Variants in CNTNAP4 observed in about 807,000 individuals in gnomAD.
CNTNAP4 encodes the protein contactin associated protein family member 4.
Under a neutral mutation model 148.4 loss-of-function variants are expected in CNTNAP4, and 98 were observed. The observed-to-expected ratio is 0.66, with a 90% CI of 0.56 to 0.78. CNTNAP4 has a LOEUF of 0.78. Among genes scored for constraint, CNTNAP4 ranks in the 30% least tolerant of loss-of-function variants. The probability of loss-of-function intolerance (pLI) is 0.00; values close to 1 mark genes in which losing one functional copy is unlikely to be tolerated. For missense variants in CNTNAP4, 1,935 were observed against 1,565.6 expected (o/e 1.24, Z -3.98); for synonymous variants, 730 against 565.1 (o/e 1.29, Z -4.14).
chr16:76,440,202 T>C (rs973009931), intron 4 of CNTNAP4, among the ~76,000 whole-genome samples: 3 of 152,178 alleles, frequency 2.0e-5, no homozygotes, highest in African/African-American at 4.8e-5. Context: ...AGGAACATTC[T>C]AGTTCTATTT....
intron 15 of CNTNAP4, among the ~76,000 whole-genome samples, chr16:76,515,193 A>G (rs932163468): frequency 2.0e-5 from 3 of 152,206 alleles, no homozygotes; most frequent in African/African-American, 4.8e-5. Flanking sequence ...CACCTATCTG[A>G]GAAAGGACTA....
At chr16:76,357,730 A>C (rs930465227) in intron 3 of CNTNAP4, among the ~76,000 whole-genome samples, 1 of 152,214 alleles carries the variant, frequency 6.6e-6, no homozygotes, top group African/African-American at 2.4e-5. Flanking sequence ...TACTCTTCTG[A>C]TCACTCTAAA....
At chr16:76,533,419 C>G (rs765079111) in intron 17 of CNTNAP4, among the ~76,000 whole-genome samples, 3 of 151,970 alleles carry the variant, frequency 2.0e-5, no homozygotes, top group Admixed American at 6.6e-5. Context: ...GTGTTGTATG[C>G]CACTGTAGAA....
At chr16:76,315,355 C>T (rs1961601750) in intron 1 of CNTNAP4, among the ~76,000 whole-genome samples, 1 of 152,106 alleles carries the variant, frequency 6.6e-6, no homozygotes, top group African/African-American at 2.4e-5. Flanking sequence ...ATAGGAGGAC[C>T]TACGTATATC....
intron 9 of CNTNAP4, among the ~76,000 whole-genome samples, chr16:76,463,540 T>C (rs1346051351): frequency 6.6e-6 from 1 of 152,200 alleles, no homozygotes; most frequent in Admixed American, 6.5e-5. Context: ...ATGATATACA[T>C]CATCTTTTTA....
chr16:76,448,086 A>G lies in CNTNAP4; in HGVS notation c.613A>G (p.Lys205Glu). ...RFDQKSLSPI[K>E]DIISLKFKTM... ...TGATCAAAAATCCCTGAGCCCAATA[A>G]AAGACATTATTTCTTTGAAATTCAA... Residue 205 changes from lysine to glutamate, a missense_variant, in exon 5 of 24, where the codon AAA becomes GAA. By Grantham distance (56) the Lys-to-Glu change is moderately conservative. Transcript: ENST00000611870. 6.2e-7 allele frequency: 1 copy of G among 1,613,776 alleles called. No individual in the cohort carries two copies. The highest frequency in any genetic ancestry group is 8.5e-7 in the Non-Finnish European group (1 of 1,179,716).
At chr16:76,413,542 A>G (rs2078872842) in intron 3 of CNTNAP4, among the ~76,000 whole-genome samples, 2 of 143,848 alleles carry the variant, frequency 1.4e-5, no homozygotes, top group Non-Finnish European at 3.1e-5. Flanking sequence ...TTTCTATAAC[A>G]TTATAAGACT....
chr16:76,279,895 A>T (rs1958622201), intron 1 of CNTNAP4, among the ~76,000 whole-genome samples: 1 of 152,206 alleles, frequency 6.6e-6, no homozygotes, highest in Admixed American at 6.5e-5. Flanking sequence ...TACTTGTACC[A>T]AGCCATGGTG....
chr16:76,349,261 C>A (rs919648366), intron 2 of CNTNAP4, among the ~76,000 whole-genome samples: 6 of 152,110 alleles, frequency 3.9e-5, no homozygotes, highest in African/African-American at 1.4e-4. Flanking sequence ...AGAAAAGAGT[C>A]TGTTCTCCAA....
intron 2 of CNTNAP4, among the ~76,000 whole-genome samples, chr16:76,350,683 C>G (rs1040765662): frequency 6.6e-6 from 1 of 152,202 alleles, no homozygotes; most frequent in African/African-American, 2.4e-5. Flanking sequence ...AAAGCACTAA[C>G]TGCCATATAC....
intron 4 of CNTNAP4, among the ~76,000 whole-genome samples, chr16:76,444,665 G>A (rs2080173278): frequency 6.6e-6 from 1 of 151,872 alleles, no homozygotes; most frequent in Non-Finnish European, 1.5e-5. Flanking sequence ...ATATCAAATG[G>A]GTGCAAATAA....
intron 22 of CNTNAP4, 143 bp from the exon 23 acceptor site, chr16:76,553,693 T>A: frequency 1.5e-6 from 1 of 649,218 alleles, no homozygotes; most frequent in East Asian, 2.7e-5. Context: ...GTCATTGCCA[T>A]TGACATTGCT....
chr16:76,373,821 G>A (rs1296298326), intron 3 of CNTNAP4, among the ~76,000 whole-genome samples: 1 of 151,058 alleles, frequency 6.6e-6, no homozygotes, highest in African/African-American at 2.4e-5. Context: ...CTTGAACTCG[G>A]GAGGTGGAGG....
At chr16:76,462,660 G>A (rs1176613679) in intron 9 of CNTNAP4, among the ~76,000 whole-genome samples, 1 of 152,162 alleles carries the variant, frequency 6.6e-6, no homozygotes, top group Non-Finnish European at 1.5e-5. Flanking sequence ...AAAAGCAAAT[G>A]AAGCATCCAC....
chr16:76,517,200 A>G (rs2083284307), intron 15 of CNTNAP4, among the ~76,000 whole-genome samples: 1 of 152,184 alleles, frequency 6.6e-6, no homozygotes, highest in African/African-American at 2.4e-5. Flanking sequence ...CCAGGAGGTT[A>G]AAGAAGGGGT....
intron 8 of CNTNAP4, among the ~76,000 whole-genome samples, chr16:76,453,712 A>G (rs1297092165): frequency 2.0e-5 from 3 of 152,160 alleles, no homozygotes; most frequent in Non-Finnish European, 2.9e-5. Context: ...AAAATTAAAT[A>G]CGAGAAAACA....
chr16:76,430,439 G>C (rs1379375500), intron 4 of CNTNAP4, among the ~76,000 whole-genome samples: 2 of 152,190 alleles, frequency 1.3e-5, no homozygotes, highest in Admixed American at 6.6e-5. Context: ...CCTGTTGCAA[G>C]AGTTTGTCTG....
chr16:76,465,145 T>A (rs1230605636), intron 9 of CNTNAP4, among the ~76,000 whole-genome samples: 2 of 152,234 alleles, frequency 1.3e-5, no homozygotes, highest in African/African-American at 4.8e-5. Context: ...ATAATTTATC[T>A]GTTATCCTCG....
intron 3 of CNTNAP4, among the ~76,000 whole-genome samples, chr16:76,373,912 A>AG (rs2015138224): frequency 6.6e-6 from 1 of 151,568 alleles, no homozygotes. Flanking sequence ...AAAAAAAAAA[A>AG]AAGAAAAGGA....
Sources: allele counts gnomAD v4.1 joint callset (sites outside exome capture counted in the v4.1 genomes callset), GRCh38; gene constraint gnomAD v4.1.1; transcripts MANE v1.5; gene names NCBI Gene and HGNC (gene_info 2026-07-23, HGNC 2026-07-21).